The following ZFHX3 variants were observed in gnomAD, a reference collection of about 807,000 sequenced individuals.
The protein encoded by ZFHX3 is zinc finger homeobox 3.
ZFHX3 carries 42 observed loss-of-function variants against 279.1 expected under a neutral mutation model. The observed-to-expected ratio is 0.15, with a 90% CI of 0.12 to 0.19. The LOEUF (loss-of-function observed/expected upper bound fraction) is 0.19, where lower values mean the gene tolerates loss of function less well. Ranked by LOEUF, ZFHX3 falls within the 10% of genes least tolerant of loss-of-function variation. The pLI is 1.00. For synonymous variants in ZFHX3, 2,293 were observed against 1,957.8 expected (o/e 1.17, Z -4.52); for missense variants, 4,981 against 4,754.0 (o/e 1.05, Z -1.40).
chr16:73,385,491 A>G (rs898818344), intron 3 of ZFHX3, among the ~76,000 whole-genome samples: 1 of 152,136 alleles, frequency 6.6e-6, no homozygotes, highest in Non-Finnish European at 1.5e-5. Context: ...AATCTCTCCA[A>G]CTGCAACCAG....
At chr16:73,836,889 G>C (rs1451336245) in intron 1 of ZFHX3, among the ~76,000 whole-genome samples, 2 of 152,194 alleles carry the variant, frequency 1.3e-5, no homozygotes, top group Non-Finnish European at 2.9e-5. Flanking sequence ...TTGTTATAAA[G>C]TGAGGTTGCC....
intron 1 of ZFHX3, among the ~76,000 whole-genome samples, chr16:73,818,475 C>T (rs1960642019): frequency 6.6e-6 from 1 of 152,168 alleles, no homozygotes; most frequent in Non-Finnish European, 1.5e-5. Context: ...AACGCAGCAT[C>T]ATTATACATG....
intron 3 of ZFHX3, among the ~76,000 whole-genome samples, chr16:72,917,170 G>A (rs1205681223): frequency 2.6e-5 from 4 of 152,194 alleles, no homozygotes; most frequent in Non-Finnish European, 5.9e-5. Flanking sequence ...GATTCCAGAA[G>A]GCCGAGGCTA....
At chr16:73,318,106 A>T (rs2015494798) in intron 4 of ZFHX3, 1 of 152,234 alleles carries the variant, frequency 6.6e-6, no homozygotes, top group South Asian at 2.1e-4. Context: ...AGTGTCTCAC[A>T]TGCAAAAGTT....
chr16:72,902,943 G>A (rs2039077521), intron 3 of ZFHX3, among the ~76,000 whole-genome samples: 1 of 152,182 alleles, frequency 6.6e-6, no homozygotes, highest in South Asian at 2.1e-4. Flanking sequence ...AAGTTTCTGA[G>A]GCCAAGTCTT....
chr16:73,585,340 C>T (rs899638648), intron 2 of ZFHX3, among the ~76,000 whole-genome samples: 6 of 152,136 alleles, frequency 3.9e-5, no homozygotes, highest in South Asian at 2.1e-4. Context: ...CACTTGAACC[C>T]TGGAGGCGGA....
At chr16:72,803,641 G>A (rs1047088685) in intron 7 of ZFHX3, among the ~76,000 whole-genome samples, 25 of 152,154 alleles carry the variant, frequency 1.6e-4, no homozygotes, top group Non-Finnish European at 3.1e-4. Flanking sequence ...GGTTTGGCCA[G>A]GTGACAGTAC....
At chr16:73,642,658 C>T (rs1015060170) in intron 2 of ZFHX3, among the ~76,000 whole-genome samples, 3 of 152,166 alleles carry the variant, frequency 2.0e-5, no homozygotes, top group Non-Finnish European at 4.4e-5. Flanking sequence ...CCACATACCT[C>T]CTGCCCCCAC....
chr16:73,396,596 G>A (rs2017133698), intron 3 of ZFHX3, among the ~76,000 whole-genome samples: 1 of 152,168 alleles, frequency 6.6e-6, no homozygotes, highest in African/African-American at 2.4e-5. Flanking sequence ...CAAAGGGGAA[G>A]CAAGTACATC....
At chr16:73,065,219 C>T (rs1965732514) in intron 8 of ZFHX3, among the ~76,000 whole-genome samples, 1 of 152,204 alleles carries the variant, frequency 6.6e-6, no homozygotes, top group Non-Finnish European at 1.5e-5. Context: ...CGCCGGGAGA[C>T]GGTGCCCACG....
At chr16:73,392,629 T>C (rs558506737) in intron 3 of ZFHX3, among the ~76,000 whole-genome samples, 1 of 151,300 alleles carries the variant, frequency 6.6e-6, no homozygotes, top group Admixed American at 6.6e-5. Flanking sequence ...ATCTAAAAAC[T>C]GTGTATGTAA....
chr16:72,795,747 C>T lies in ZFHX3; in HGVS notation c.6935G>A (p.Arg2312Gln), dbSNP rs767087836. 1.7e-5 allele frequency: 28 copies of T among 1,614,072 alleles called. No individual in the cohort carries two copies. The highest frequency in any genetic ancestry group is 5.3e-5 in the African/African-American group (4 of 74,920). The change falls in exon 9 of 10, where the codon CGG (arginine) becomes CAG (glutamine). Residue 2312 changes from arginine to glutamine, a missense_variant. Physicochemically the swap from Arg to Gln is conservative, Grantham distance 43. This residue lies in a region of ZFHX3 where 177 missense variants were observed against 244.2 expected (regional missense o/e 0.72). Transcript: ENST00000268489. ...GTATCTATCATTTGTAAGCTCACGCCGCTCTCCATCTTTGCCCTCTCCCTG... is the reference window on the plus strand; with the variant it reads ...GTATCTATCATTTGTAAGCTCACGCTGCTCTCCATCTTTGCCCTCTCCCTG... Reference protein sequence around the residue: ...ENQGEGKDGERRELTNDRYIR... With the variant: ...ENQGEGKDGEQRELTNDRYIR...
At chr16:73,066,444 G>A (rs1555546755) in intron 8 of ZFHX3, among the ~76,000 whole-genome samples, 2 of 152,134 alleles carry the variant, frequency 1.3e-5, no homozygotes, top group Non-Finnish European at 2.9e-5. Flanking sequence ...TTTCCTGCGG[G>A]CTCTGGACTC....
At chr16:73,195,824 T>G (rs1597214434) in intron 5 of ZFHX3, among the ~76,000 whole-genome samples, 1 of 151,266 alleles carries the variant, frequency 6.6e-6, no homozygotes, top group Non-Finnish European at 1.5e-5. Flanking sequence ...CTAGAGAGAG[T>G]GAGGGGCCTG....
At chr16:73,206,397 C>T (rs1051378662) in intron 5 of ZFHX3, among the ~76,000 whole-genome samples, 1 of 152,156 alleles carries the variant, frequency 6.6e-6, no homozygotes, top group Non-Finnish European at 1.5e-5. Context: ...CAACACAACA[C>T]AGGAAAACAG....
chr16:72,991,617 T>C (rs950543375), intron 1 of ZFHX3, among the ~76,000 whole-genome samples: 1 of 152,224 alleles, frequency 6.6e-6, no homozygotes, highest in African/African-American at 2.4e-5. Context: ...TAATATTTAT[T>C]AACATTTATA....
At position 73,130,852 on chromosome 16, in the gene ZFHX3, C is replaced by T. The variant is rs1966666367; in HGVS notation, c.-897+116G>A. 3.5e-6 allele frequency: 3 copies of T among 853,462 alleles called. No homozygotes were observed. The South Asian group carries it at 5.9e-5, about 17-fold the overall frequency. The allele number at this position is 853,462 out of a possible 1,614,324, so 52.9% of individuals were successfully genotyped here. ...CGAACTCCTGACCTCAGGTGATCCA[C>T]CTGCCTCGGCCTCCCAAAGTGCTGG... On this transcript the variant is annotated intron_variant, in intron 7 of 17. Coordinates refer to the ZFHX3 transcript ENST00000641206.
intron 2 of ZFHX3, among the ~76,000 whole-genome samples, chr16:73,631,560 C>T (rs1187786027): frequency 6.6e-6 from 1 of 152,104 alleles, no homozygotes; most frequent in African/African-American, 2.4e-5. Flanking sequence ...AGAAACAACA[C>T]ATTAATTTTT....
At chr16:73,348,600 C>T (rs1259748168) in intron 3 of ZFHX3, among the ~76,000 whole-genome samples, 2 of 152,224 alleles carry the variant, frequency 1.3e-5, no homozygotes, top group African/African-American at 4.8e-5. Context: ...CTCTGGCGTT[C>T]AGAGGATGGA....
Sources: gnomAD v4.1 joint callset for allele counts (sites outside exome capture counted in the v4.1 genomes callset) on GRCh38, gnomAD v4.1.1 for gene constraint, gnomAD v4.1.1 regional missense constraint, MANE v1.5 for transcripts, NCBI Gene and HGNC (gene_info 2026-07-23, HGNC 2026-07-21) for gene names.